Variants in NRIP3 observed in about 807,000 individuals in gnomAD.
NRIP3 encodes the protein nuclear receptor-interacting protein 3.
In NRIP3, 31 loss-of-function variants were observed where a neutral mutation model predicts 29.0. That is an observed-to-expected ratio of 1.07 (90% CI 0.80 to 1.44). NRIP3 has a LOEUF of 1.44. Ranked by LOEUF, NRIP3 falls within the 40% of genes most tolerant of loss-of-function variation. The probability of loss-of-function intolerance (pLI) is 0.00; values close to 1 mark genes in which losing one functional copy is unlikely to be tolerated. For missense variants in NRIP3, 314 were observed against 297.9 expected, an observed-to-expected ratio of 1.05 and a Z score of -0.40; for synonymous variants, 131 against 118.3, an observed-to-expected ratio of 1.11 and a Z score of -0.70.
intron 4 of NRIP3, among the ~76,000 whole-genome samples, chr11:8,985,444 C>T (rs1854503814): frequency 6.6e-6 from 1 of 151,510 alleles, no homozygotes; most frequent in South Asian, 2.1e-4. Flanking sequence ...GCTGGGATTA[C>T]AGGCATGACC....
chr11:9,004,177 C>A (rs1036001509), upstream of NRIP3: 4 of 356,406 alleles, frequency 1.1e-5, no homozygotes. Flanking sequence ...GGCGAGGAGG[C>A]GGCGGCGCTG....
intron 4 of NRIP3, among the ~76,000 whole-genome samples, chr11:8,984,710 G>A (rs912691767): frequency 6.6e-6 from 1 of 152,220 alleles, no homozygotes; most frequent in African/African-American, 2.4e-5. Flanking sequence ...GTAAAATGTA[G>A]AGAAGTGTGG....
chr11:8,986,923 C>CCTCGGG (rs1424350372), intron 3 of NRIP3, among the ~76,000 whole-genome samples: 1 of 152,216 alleles, frequency 6.6e-6, no homozygotes, highest in Non-Finnish European at 1.5e-5. Context: ...GAGGCTGAGG[C>CCTCGGG]AGGAGGATCA....
At chr11:8,991,250 G>A (rs1417150450) in intron 1 of NRIP3, among the ~76,000 whole-genome samples, 1 of 151,584 alleles carries the variant, frequency 6.6e-6, no homozygotes, top group Non-Finnish European at 1.5e-5. Flanking sequence ...GCATTGAGCC[G>A]AGATCGCGCC....
intron 1 of NRIP3, among the ~76,000 whole-genome samples, chr11:8,992,021 G>A (rs1283574292): frequency 1.3e-5 from 2 of 152,200 alleles, no homozygotes; most frequent in Non-Finnish European, 2.9e-5. Flanking sequence ...AGGACTATAT[G>A]GAAGAGGCTG....
At chr11:8,998,948 G>C (rs1854755265) in intron 1 of NRIP3, among the ~76,000 whole-genome samples, 1 of 151,924 alleles carries the variant, frequency 6.6e-6, no homozygotes, top group Admixed American at 6.6e-5. Flanking sequence ...GACTACAGGT[G>C]CCCGCCACCA....
chr11:8,985,995 G>A (rs1854516350), intron 3 of NRIP3, 145 bp from the exon 4 acceptor site: 2 of 913,568 alleles, frequency 2.2e-6, no homozygotes, highest in East Asian at 2.5e-5. Flanking sequence ...TCCTACATAT[G>A]TTGTTCCAGC....
chr11:9,002,596 TAA>T (rs10701323), intron 1 of NRIP3, among the ~76,000 whole-genome samples: 3,428 of 101,222 alleles, frequency 0.034, 42 homozygotes, highest in Non-Finnish European at 0.047. Flanking sequence ...GCTGTTAAAT[TAA>T]AAAAAAAAAA....
At chr11:8,991,354 G>A (rs1417851751) in intron 1 of NRIP3, among the ~76,000 whole-genome samples, 1 of 152,140 alleles carries the variant, frequency 6.6e-6, no homozygotes, top group African/African-American at 2.4e-5. Flanking sequence ...CATTCTCTTT[G>A]ATAATTAAAA....
At chr11:8,995,767 T>C (rs1847991907) in intron 1 of NRIP3, among the ~76,000 whole-genome samples, 1 of 152,196 alleles carries the variant, frequency 6.6e-6, no homozygotes, top group African/African-American at 2.4e-5. Context: ...AAATCCAAAC[T>C]TTTTACCCTT....
In NRIP3 at chr11:8,982,077, G is replaced by T. The variant is rs1029370560; in HGVS notation, c.*1468C>A. 2 of 152,132 alleles carry T rather than the reference G, an allele frequency of 1.3e-5. No individual in the cohort carries two copies. The highest frequency in any genetic ancestry group is 4.8e-5 in the African/African-American group (2 of 41,424). The allele number at this position is 152,132 out of a possible 1,614,324, so 9.4% of individuals were successfully genotyped here. A position where few individuals can be genotyped will look rare whatever the true frequency, so the allele number is the denominator to read the frequency against. ...CTGCTATGACACAGGGTAGACTTGG[G>T]AATATCTTAAAGGGATACCCACAGC... On this transcript the variant is annotated 3_prime_UTR_variant, in exon 7 of 7. Transcript: ENST00000309166.
intron 4 of NRIP3, 50 bp from the exon 5 acceptor site, chr11:8,984,174 T>G: frequency 7.5e-7 from 1 of 1,332,558 alleles, no homozygotes; most frequent in Non-Finnish European, 1.1e-6. Flanking sequence ...CATGCTTGCT[T>G]AGAAGTTGGC....
At chr11:8,998,824 C>T (rs891343381) in intron 1 of NRIP3, among the ~76,000 whole-genome samples, 16 of 119,508 alleles carry the variant, frequency 1.3e-4, no homozygotes, top group East Asian at 2.9e-4. Flanking sequence ...GACAGAGTCT[C>T]GCTCTGTCGT....
At chr11:8,987,125 C>A (rs895451179) in intron 3 of NRIP3, among the ~76,000 whole-genome samples, 12 of 152,198 alleles carry the variant, frequency 7.9e-5, no homozygotes, top group Admixed American at 5.2e-4. Context: ...TGGGGACCTG[C>A]AATGCATCCT....
chr11:8,990,995 C>A (rs149310826), intron 1 of NRIP3, among the ~76,000 whole-genome samples: 5 of 152,134 alleles, frequency 3.3e-5, no homozygotes, highest in African/African-American at 1.2e-4. Context: ...TTTCTATTTT[C>A]ATTTAATATA....
At chr11:8,992,092 T>C (rs7930026) in intron 1 of NRIP3, among the ~76,000 whole-genome samples, 51,146 of 152,070 alleles carry the variant, frequency 0.34, 10,263 homozygotes, top group Non-Finnish European at 0.43. Context: ...TTGTTTGAGC[T>C]GTTATATATT....
intron 4 of NRIP3, 138 bp downstream of exon 4, chr11:8,985,573 C>G (rs1165741857): frequency 9.7e-7 from 1 of 1,031,056 alleles, no homozygotes; most frequent in East Asian, 2.7e-5. Context: ...AAAATTGGGA[C>G]AAGGTCTACA....
At chr11:8,994,832 C>A (rs974865804) in intron 1 of NRIP3, among the ~76,000 whole-genome samples, 1 of 152,162 alleles carries the variant, frequency 6.6e-6, no homozygotes, top group African/African-American at 2.4e-5. Flanking sequence ...GGTCCTTTGT[C>A]ACTCTACATA....
intron 1 of NRIP3, among the ~76,000 whole-genome samples, chr11:9,000,845 G>A (rs943677931): frequency 6.6e-6 from 1 of 152,134 alleles, no homozygotes; most frequent in Admixed American, 6.5e-5. Context: ...AAAGTGGGCA[G>A]ATCGCTTGAG....
Sources: gnomAD v4.1 joint callset for allele counts (sites outside exome capture counted in the v4.1 genomes callset) on GRCh38, gnomAD v4.1.1 for gene constraint, MANE v1.5 for transcripts, NCBI Gene and HGNC (gene_info 2026-07-23, HGNC 2026-07-21) for gene names.